XRN1: variants seen among roughly 807,000 people sequenced by gnomAD.
XRN1 encodes the protein strand-exchange protein 1 homolog.
Under a neutral mutation model 222.3 loss-of-function variants are expected in XRN1, and 67 were observed. That is an observed-to-expected ratio of 0.30 (90% CI 0.25 to 0.37). The LOEUF (loss-of-function observed/expected upper bound fraction) is 0.37. Among genes scored for constraint, XRN1 ranks in the 10% least tolerant of loss-of-function variants. The pLI, the probability that XRN1 is intolerant of heterozygous loss-of-function variation, is 1.00. For missense variants in XRN1, 1,707 were observed against 2,000.2 expected (o/e 0.85, Z 2.80); for synonymous variants, 643 against 652.4 (o/e 0.99, Z 0.22).
At position 142,425,218 on chromosome 3, in the gene XRN1, C is replaced by T. The variant is rs2069197921; in HGVS notation, c.627+4G>A. On this transcript the variant is annotated splice_donor_region_variant and intron_variant, in intron 5 of 40. Transcript: ENST00000392981. ...AAGTTTATAATAATAAAAATTATACCTACCAAGTCAGCATCTAAACCATAA... is the reference window on the plus strand; with the variant it reads ...AAGTTTATAATAATAAAAATTATACTTACCAAGTCAGCATCTAAACCATAA... 1 of 1,541,740 alleles carries T rather than the reference C, an allele frequency of 6.5e-7. No homozygotes were observed. Among genetic ancestry groups the T allele is most frequent in the Non-Finnish European group, 8.7e-7 (1 of 1,144,646 alleles).
At chr3:142,397,237 AACT>A in intron 20 of XRN1, 89 bp downstream of exon 20, 1 of 1,218,588 alleles carries the variant, frequency 8.2e-7, no homozygotes, top group Non-Finnish European at 1.1e-6. Flanking sequence ...TATTCAGAGT[AACT>A]ACTATGTTAA....
At chr3:142,318,719 A>G (rs756047579) in intron 38 of XRN1, 25 bp from the exon 39 acceptor site, 1 of 1,610,420 alleles carries the variant, frequency 6.2e-7, no homozygotes, top group Middle Eastern at 1.7e-4. Flanking sequence ...AAAAGTTACA[A>G]GACAATGCAA....
intron 22 of XRN1, among the ~76,000 whole-genome samples, chr3:142,382,325 C>G (rs1345047145): frequency 6.6e-6 from 1 of 152,120 alleles, no homozygotes; most frequent in Non-Finnish European, 1.5e-5. Flanking sequence ...CTGCAGCACT[C>G]TCTCCAAATT....
At chr3:142,445,606 ACTTT>A (rs2070464920) in intron 1 of XRN1, among the ~76,000 whole-genome samples, 1 of 152,106 alleles carries the variant, frequency 6.6e-6, no homozygotes, top group Non-Finnish European at 1.5e-5. Flanking sequence ...TGATTCTATG[ACTTT>A]GCCTCACTTT....
chr3:142,405,404 A>T (rs1025121782), intron 15 of XRN1, among the ~76,000 whole-genome samples: 2 of 152,232 alleles, frequency 1.3e-5, no homozygotes, highest in Non-Finnish European at 2.9e-5. Context: ...TAATTCACAG[A>T]GCATTAATCT....
At chr3:142,320,311 T>C (rs1310003018) in intron 37 of XRN1, among the ~76,000 whole-genome samples, 1 of 152,186 alleles carries the variant, frequency 6.6e-6, no homozygotes, top group Non-Finnish European at 1.5e-5. Flanking sequence ...AAATCTGCAC[T>C]TCTCTGGTAA....
At chr3:142,386,564 T>C (rs2067508754) in intron 20 of XRN1, among the ~76,000 whole-genome samples, 1 of 152,130 alleles carries the variant, frequency 6.6e-6, no homozygotes, top group African/African-American at 2.4e-5. Context: ...GATAATTTTA[T>C]TTAAAGATAA....
intron 37 of XRN1, among the ~76,000 whole-genome samples, chr3:142,322,403 A>C (rs1023460302): frequency 6.6e-6 from 1 of 152,068 alleles, no homozygotes; most frequent in Non-Finnish European, 1.5e-5. Context: ...TTTAGAGATG[A>C]TGGTCGGGCG....
chr3:142,408,039 A>C (rs915658988), intron 15 of XRN1, among the ~76,000 whole-genome samples: 3 of 152,210 alleles, frequency 2.0e-5, no homozygotes, highest in Non-Finnish European at 4.4e-5. Context: ...CAGGTCATAT[A>C]TGGACATTCT....
intron 15 of XRN1, among the ~76,000 whole-genome samples, chr3:142,411,892 G>C (rs1377765477): frequency 6.6e-6 from 1 of 151,244 alleles, no homozygotes; most frequent in Non-Finnish European, 1.5e-5. Context: ...CGCGATCTCG[G>C]TTCACTGTAG....
At chr3:142,334,385 A>T (rs182618561) in intron 34 of XRN1, among the ~76,000 whole-genome samples, 98 of 152,060 alleles carry the variant, frequency 6.4e-4, no homozygotes, top group African/African-American at 2.1e-3. Flanking sequence ...AATTTAAAAA[A>T]ATATATATTA....
Position 142,359,895 on chromosome 3 carries a change from A to G in XRN1, c.3431T>C (p.Phe1144Ser). ...READVLFEVLFDEEFPGGLTI... is the reference protein window; with the variant it reads ...READVLFEVLSDEEFPGGLTI... Reference sequence around the variant, plus strand: ...TAACCCTCCAGGAAATTCTTCATCAAATAATACTTCAAATAGTACATCGGC... The same window carrying G: ...TAACCCTCCAGGAAATTCTTCATCAGATAATACTTCAAATAGTACATCGGC... The change falls in exon 30 of 41, where the codon TTT becomes TCT. Residue 1144 changes from phenylalanine to serine, a missense_variant. Coordinates refer to ENST00000392981, the MANE Select transcript of XRN1 (RefSeq NM_001282857.2). 6.2e-7 allele frequency: 1 copy of G among 1,605,938 alleles called. No individual in the cohort carries two copies. Among genetic ancestry groups the G allele is most frequent in the Non-Finnish European group, 8.5e-7 (1 of 1,175,312 alleles).
chr3:142,391,757 T>A lies in XRN1; in HGVS notation c.2339+5572A>T, dbSNP rs867136549. Among the ~76,000 whole-genome samples the A allele has an allele frequency of 9.4e-3, 1,364 of 145,880 alleles. 12 individuals carry two copies. Among genetic ancestry groups the A allele is most frequent in the African/African-American group, 0.017 (663 of 40,076 alleles). ...TCACTAAAAAAAAAAAAAATATATATATATATATATATATATATGAATGAA... is the reference window on the plus strand; with the variant it reads ...TCACTAAAAAAAAAAAAAATATATAAATATATATATATATATATGAATGAA... On this transcript the variant is annotated intron_variant, in intron 20 of 40. Transcript: ENST00000392981.
chr3:142,334,521 T>C (rs1303444963), intron 34 of XRN1, among the ~76,000 whole-genome samples: 1 of 151,908 alleles, frequency 6.6e-6, no homozygotes, highest in Non-Finnish European at 1.5e-5. Flanking sequence ...GCAGAGACTA[T>C]ATAAAGTAAA....
At chr3:142,323,128 T>C (rs1440100475) in intron 37 of XRN1, among the ~76,000 whole-genome samples, 1 of 152,138 alleles carries the variant, frequency 6.6e-6, no homozygotes, top group African/African-American at 2.4e-5. Flanking sequence ...CGCATGATTA[T>C]ATTGAGGTGC....
intron 37 of XRN1, among the ~76,000 whole-genome samples, chr3:142,328,673 A>ATTT (rs1314939287): frequency 1.5e-5 from 2 of 130,126 alleles, no homozygotes; most frequent in African/African-American, 5.5e-5. Flanking sequence ...TAAACAATGG[A>ATTT]TTAATAAACA....
In XRN1 at chr3:142,432,506, G is replaced by A. The variant is rs531930483; in HGVS notation, c.308+155C>T. The stretch of plus-strand genomic sequence containing the variant: ...TCACTGAGTTCCTAACTCATTACTC[G>A]ACTGGTAAAATATGACACTGAGATA... On this transcript the variant is annotated intron_variant, in intron 2 of 40. Coordinates refer to ENST00000392981, the MANE Select transcript of XRN1 (RefSeq NM_001282857.2). 4.0e-5 allele frequency among the ~76,000 whole-genome samples: 6 copies of A among 151,808 alleles called. No homozygotes were observed. In the South Asian group the frequency reaches 8.3e-4, roughly 21 times the overall value.
intron 20 of XRN1, among the ~76,000 whole-genome samples, chr3:142,387,488 G>A (rs1420185947): frequency 6.6e-6 from 1 of 151,950 alleles, no homozygotes; most frequent in Admixed American, 6.6e-5. Flanking sequence ...AGTATTTTTT[G>A]CTCCATATGT....
intron 37 of XRN1, among the ~76,000 whole-genome samples, chr3:142,321,282 G>A (rs2065348599): frequency 6.6e-6 from 1 of 151,820 alleles, no homozygotes; most frequent in Non-Finnish European, 1.5e-5. Context: ...ATCATGTCCA[G>A]CTAATTCTTT....
Sources: allele counts gnomAD v4.1 joint callset (sites outside exome capture counted in the v4.1 genomes callset), GRCh38; gene constraint gnomAD v4.1.1; transcripts MANE v1.5; gene names NCBI Gene and HGNC (gene_info 2026-07-23, HGNC 2026-07-21).